Variants in GTF2IRD1 observed in about 807,000 individuals in gnomAD.
GTF2IRD1 encodes the protein GTF2I repeat domain containing 1, also known as general transcription factor II-I repeat domain-containing protein 1.
In GTF2IRD1, 26 loss-of-function variants were observed where a neutral mutation model predicts 113.2. That is an observed-to-expected ratio of 0.23 (90% CI 0.17 to 0.32). GTF2IRD1 has a LOEUF of 0.32. GTF2IRD1 is among the 10% of genes least tolerant of loss of function. The pLI, the probability that GTF2IRD1 is intolerant of heterozygous loss-of-function variation, is 1.00. For missense variants in GTF2IRD1, 864 were observed against 1,280.8 expected (o/e 0.67, Z 4.97); for synonymous variants, 484 against 529.1 (o/e 0.91, Z 1.17).
chr7:74,542,564 G>A lies in GTF2IRD1; in HGVS notation c.1619-2191G>A, dbSNP rs184469017. ...AGCAGTGTTAGGCAAAATGATTTGC[G>A]TTTTTTATTTTCTAAATCAGTTATG... On this transcript the variant is annotated intron_variant, in intron 14 of 26. Coordinates refer to ENST00000424337, the MANE Select transcript of GTF2IRD1 (RefSeq NM_005685.4). Among the ~76,000 whole-genome samples, 40 of 152,306 alleles carry A rather than the reference G, an allele frequency of 2.6e-4. No individual in the cohort carries two copies. In the East Asian group the frequency reaches 6.6e-3, roughly 25 times the overall value.
In GTF2IRD1 at chr7:74,555,278, G is replaced by A; in HGVS notation, c.1966+55G>A. The A allele has an allele frequency of 9.7e-6, 15 of 1,554,206 alleles. No individual in the cohort carries two copies. In the South Asian group the frequency reaches 1.6e-4, roughly 16 times the overall value. ...GTGGGCGGGCAAGGGAGGGCCCCAG[G>A]CCTCTGCCACCAGCCCCTCCTCCTG... On this transcript the variant is annotated intron_variant, in intron 18 of 26. Coordinates refer to ENST00000424337, the MANE Select transcript of GTF2IRD1 (RefSeq NM_005685.4). This position sits in a 1 kb window ranked among gnomAD's most constrained non-coding sequence, Gnocchi z 5.3.
intron 7 of GTF2IRD1, among the ~76,000 whole-genome samples, chr7:74,522,529 A>G (rs954917334): frequency 6.6e-6 from 1 of 152,000 alleles, no homozygotes; most frequent in Non-Finnish European, 1.5e-5. Context: ...GTGAGACCCC[A>G]TCTCTACAAA....
chr7:74,569,738 G>A lies in GTF2IRD1; in HGVS notation c.2320+10083G>A, dbSNP rs144989574. Reference sequence around the variant, plus strand: ...CAGGCAGTGGGCAGCTGGGCCCCACGATGGATGGGGTTAGGATCTAGAGGC... The same window carrying A: ...CAGGCAGTGGGCAGCTGGGCCCCACAATGGATGGGGTTAGGATCTAGAGGC... On this transcript the variant is annotated intron_variant, in intron 22 of 26. Coordinates refer to ENST00000424337, the MANE Select transcript of GTF2IRD1 (RefSeq NM_005685.4). 6.4e-3 allele frequency among the ~76,000 whole-genome samples: 969 copies of A among 152,296 alleles called. 8 individuals carry two copies. Among genetic ancestry groups the A allele is most frequent in the Middle Eastern group, 0.054 (16 of 294 alleles).
At chr7:74,496,488 T>TGTGG (rs558437757) in intron 1 of GTF2IRD1, among the ~76,000 whole-genome samples, 1,612 of 104,244 alleles carry the variant, frequency 0.015, 27 homozygotes, top group African/African-American at 0.049. Context: ...TGCACGTATG[T>TGTGG]GTGTGTGTGT....
Position 74,508,132 on chromosome 7 carries a change from G to A in GTF2IRD1, c.52G>A (p.Asp18Asn), listed in dbSNP as rs782595505. Residue 18 changes from aspartate to asparagine, a missense_variant, in exon 2 of 27, where the codon GAC becomes AAC. Physicochemically the swap from Asp to Asn is conservative, Grantham distance 23. This residue lies in a region of GTF2IRD1 where 182 missense variants were observed against 266.6 expected (regional missense o/e 0.68). Transcript: ENST00000424337. ...CGTCCCCACCAACGGCTGCGGACCC[G>A]ACCGCTGGAACTCCGCGTTCACCCG... ...CDVPTNGCGP[D>N]RWNSAFTRKD... 125 of 1,611,558 alleles carry A rather than the reference G, an allele frequency of 7.8e-5. 2 individuals are homozygous for A. The highest frequency in any genetic ancestry group is 3.2e-4 in the South Asian group (29 of 91,056).
At chr7:74,595,970 G>A (rs1185343501) in intron 25 of GTF2IRD1, 3 of 152,248 alleles carry the variant, frequency 2.0e-5, no homozygotes, top group African/African-American at 7.2e-5. Context: ...TTCTGATTAA[G>A]GTGTATGATG....
intron 1 of GTF2IRD1, among the ~76,000 whole-genome samples, chr7:74,465,320 C>A (rs782803796): frequency 2.6e-5 from 4 of 152,120 alleles, no homozygotes; most frequent in Non-Finnish European, 5.9e-5. Context: ...CTCAGCATAT[C>A]CAAAGGAGAG....
intron 1 of GTF2IRD1, among the ~76,000 whole-genome samples, chr7:74,457,477 T>G (rs1427856622): frequency 6.6e-6 from 1 of 152,056 alleles, no homozygotes; most frequent in Non-Finnish European, 1.5e-5. Flanking sequence ...CTAAGCAGAC[T>G]CTCTCCTATT....
At chr7:74,576,710 T>C (rs1190339920) in intron 22 of GTF2IRD1, among the ~76,000 whole-genome samples, 1 of 123,652 alleles carries the variant, frequency 8.1e-6, no homozygotes, top group Non-Finnish European at 1.6e-5. Context: ...AACCTCCGCC[T>C]TCCAGGTTCA....
rs75810169 is a variant in GTF2IRD1, at chr7:74,508,408, G to A, written c.123+205G>A. The stretch of plus-strand genomic sequence containing the variant: ...ATCCAGTACATAAAAATCTAGCCCT[G>A]GGGCCGGGCACAGTGGCTCATGCCT... On this transcript the variant is annotated intron_variant, in intron 2 of 26. Coordinates refer to ENST00000424337, the MANE Select transcript of GTF2IRD1 (RefSeq NM_005685.4). Among the ~76,000 whole-genome samples the A allele has an allele frequency of 6.8e-4, 103 of 152,260 alleles. No individual in the cohort carries two copies. The East Asian group carries it at 0.017, about 26-fold the overall frequency.
At chr7:74,586,479 A>AG (rs782362461) in intron 22 of GTF2IRD1, among the ~76,000 whole-genome samples, 1 of 152,138 alleles carries the variant, frequency 6.6e-6, no homozygotes, top group East Asian at 1.9e-4. Context: ...CTGGGCACGC[A>AG]GGGGGGCTGG....
At chr7:74,458,159 C>T (rs1448845021) in intron 1 of GTF2IRD1, among the ~76,000 whole-genome samples, 10 of 152,134 alleles carry the variant, frequency 6.6e-5, no homozygotes, top group Admixed American at 2.0e-4. Flanking sequence ...GCATGAGACA[C>T]TGCGCCCGGT....
intron 1 of GTF2IRD1, among the ~76,000 whole-genome samples, chr7:74,486,222 C>T (rs540659467): frequency 2.0e-5 from 3 of 152,268 alleles, no homozygotes; most frequent in East Asian, 1.9e-4. Context: ...CCGCCCACAC[C>T]GCCGTGGAGT....
chr7:74,516,768 C>T (rs190938243), intron 4 of GTF2IRD1, among the ~76,000 whole-genome samples: 9 of 152,146 alleles, frequency 5.9e-5, no homozygotes, highest in South Asian at 2.1e-4. Flanking sequence ...CAGGGCCCCG[C>T]GCCCCTGCCC....
At chr7:74,474,344 G>C (rs556654529) in intron 1 of GTF2IRD1, among the ~76,000 whole-genome samples, 1 of 152,360 alleles carries the variant, frequency 6.6e-6, no homozygotes, top group South Asian at 2.1e-4. Flanking sequence ...AGCCCCCCTG[G>C]TGGGGAAACC....
rs782792046 is a variant in GTF2IRD1 at position 74,601,098 on chromosome 7, C to G, written c.2684C>G (p.Ser895Cys). The part of the protein sequence containing the change: ...RKRKRVSEGN[S>C]VSSSSSSSSS... ...AGAAAGCGGGTCTCGGAAGGAAATT[C>G]CGTCTCCTCTTCCTCCTCGTCTTCC... Residue 895 changes from serine to cysteine, a missense_variant, in exon 26 of 27, where the codon TCC becomes TGC. Around this residue, in one of 7 missense-constraint regions of GTF2IRD1, gnomAD observed 55 missense variants for 52.2 expected, o/e 1.05. Transcript: ENST00000424337. The G allele has an allele frequency of 1.9e-6, 3 of 1,614,086 alleles. No homozygotes were observed. The highest frequency in any genetic ancestry group is 2.5e-6 in the Non-Finnish European group (3 of 1,179,982).
chr7:74,516,518 A>C (rs1441150881), intron 4 of GTF2IRD1, among the ~76,000 whole-genome samples: 2 of 152,194 alleles, frequency 1.3e-5, no homozygotes, highest in Non-Finnish European at 2.9e-5. Flanking sequence ...CGCCCTGGGA[A>C]ACATCGGGCA....
intron 1 of GTF2IRD1, among the ~76,000 whole-genome samples, chr7:74,493,429 GA>G: frequency 6.6e-6 from 1 of 152,146 alleles, no homozygotes; most frequent in Middle Eastern, 3.4e-3. Context: ...TTCTTATAAG[GA>G]TGCATGTGAT....
chr7:74,502,161 A>C, intron 1 of GTF2IRD1, among the ~76,000 whole-genome samples: 1 of 152,216 alleles, frequency 6.6e-6, no homozygotes, highest in Admixed American at 6.5e-5. Flanking sequence ...CTGGTCTTGA[A>C]CTTCTGGCCT....
Sources: gnomAD v4.1 joint callset for allele counts (sites outside exome capture counted in the v4.1 genomes callset) on GRCh38, gnomAD v4.1.1 for gene constraint, gnomAD v4.1.1 regional missense constraint, Gnocchi (gnomAD v3.1) non-coding constraint, MANE v1.5 for transcripts, NCBI Gene and HGNC (gene_info 2026-07-23, HGNC 2026-07-21) for gene names.